The following ASTN2 variants were observed in gnomAD, a reference collection of about 807,000 sequenced individuals.
ASTN2 encodes astrotactin-2.
In ASTN2, 54 loss-of-function variants were observed where a neutral mutation model predicts 139.8. The ratio of observed to expected loss-of-function variants is 0.39; its 90% CI spans 0.31 to 0.48. The LOEUF (loss-of-function observed/expected upper bound fraction) is 0.48. Among genes scored for constraint, ASTN2 ranks in the 20% least tolerant of loss-of-function variants. The pLI, the probability that ASTN2 is intolerant of heterozygous loss-of-function variation, is 0.95. For synonymous variants in ASTN2, 756 were observed against 719.5 expected (o/e 1.05, Z -0.81); for missense variants, 1,565 against 1,725.1 (o/e 0.91, Z 1.64).
At chr9:116,582,051 A>T (rs1853972727) in intron 19 of ASTN2, 2 of 152,202 alleles carry the variant, frequency 1.3e-5, no homozygotes, top group South Asian at 4.1e-4. Context: ...GACCTTGAGG[A>T]ATGTGTAAGG....
intron 2 of ASTN2, among the ~76,000 whole-genome samples, chr9:117,221,422 T>A (rs1222160535): frequency 6.6e-6 from 1 of 152,194 alleles, no homozygotes; most frequent in Non-Finnish European, 1.5e-5. Context: ...AGGGATAATA[T>A]GAAAAATGCT....
chr9:116,509,083 T>G (rs1311932962), intron 19 of ASTN2, among the ~76,000 whole-genome samples: 1 of 152,190 alleles, frequency 6.6e-6, no homozygotes, highest in African/African-American at 2.4e-5. Context: ...TATGTATACA[T>G]GTGCCATGTT....
intron 11 of ASTN2, among the ~76,000 whole-genome samples, chr9:116,851,094 A>G (rs940610699): frequency 5.9e-5 from 9 of 152,184 alleles, no homozygotes; most frequent in Non-Finnish European, 1.2e-4. Context: ...TGGGTTGTCT[A>G]ATAACCAGTT....
intron 19 of ASTN2, among the ~76,000 whole-genome samples, chr9:116,488,341 G>A (rs1215473757): frequency 2.0e-5 from 3 of 152,104 alleles, no homozygotes; most frequent in South Asian, 2.1e-4. Context: ...AGAATTTGCT[G>A]TATAGTCTTG....
chr9:116,698,061 C>T lies in ASTN2; in HGVS notation c.2806+27710G>A, dbSNP rs886042410. On this transcript the variant is annotated intron_variant, in intron 16 of 22. Transcript: ENST00000313400. The surrounding 1 kb of genome is among the most constrained non-coding windows in gnomAD (Gnocchi z 4.4). ...CATGTGTCGGTCCTGTGGGCGGCGT[C>T]TGCCCCGGCAATTCTGCCGGAGCTG... is the stretch of plus-strand genomic sequence containing the variant. The T allele has an allele frequency of 6.2e-7, 1 of 1,614,080 alleles. No individual in the cohort carries two copies. The highest frequency in any genetic ancestry group is 8.5e-7 in the Non-Finnish European group (1 of 1,180,038).
chr9:116,761,565 G>C (rs1183198941), intron 13 of ASTN2, among the ~76,000 whole-genome samples: 1 of 152,142 alleles, frequency 6.6e-6, no homozygotes, highest in African/African-American at 2.4e-5. Context: ...TCCAGGTAGA[G>C]GGAACAGCAT....
intron 13 of ASTN2, among the ~76,000 whole-genome samples, chr9:116,760,044 C>T (rs147350501): frequency 3.3e-4 from 50 of 152,244 alleles, no homozygotes; most frequent in East Asian, 2.3e-3. Flanking sequence ...CCTGTAAATA[C>T]GGGAAGGGCT....
intron 2 of ASTN2, among the ~76,000 whole-genome samples, chr9:117,232,699 C>T (rs1588115144): frequency 6.6e-6 from 1 of 152,176 alleles, no homozygotes; most frequent in Non-Finnish European, 1.5e-5. Flanking sequence ...TGCCGATTAC[C>T]TGGGTCCAAA....
intron 3 of ASTN2, among the ~76,000 whole-genome samples, chr9:117,195,240 G>C (rs1831465751): frequency 6.6e-6 from 1 of 152,216 alleles, no homozygotes; most frequent in Non-Finnish European, 1.5e-5. Flanking sequence ...ACTGAGATCA[G>C]AATGATGAGA....
intron 10 of ASTN2, among the ~76,000 whole-genome samples, chr9:116,938,701 T>A (rs1165803213): frequency 1.3e-5 from 2 of 152,326 alleles, no homozygotes; most frequent in East Asian, 3.9e-4. Flanking sequence ...CAACACATTA[T>A]CTGGGCTTCA....
At chr9:117,188,244 T>A (rs1831258340) in intron 3 of ASTN2, among the ~76,000 whole-genome samples, 1 of 151,832 alleles carries the variant, frequency 6.6e-6, no homozygotes, top group Non-Finnish European at 1.5e-5. Context: ...TGAAAGTGAC[T>A]AGTTCAAGAC....
At chr9:116,654,027 T>C (rs533201933) in intron 16 of ASTN2, among the ~76,000 whole-genome samples, 1 of 152,344 alleles carries the variant, frequency 6.6e-6, no homozygotes, top group East Asian at 1.9e-4. Context: ...TGACGACTTT[T>C]TGTAGACCAG....
At chr9:116,755,369 T>TA (rs1829507115) in intron 13 of ASTN2, among the ~76,000 whole-genome samples, 1 of 152,140 alleles carries the variant, frequency 6.6e-6, no homozygotes, top group Admixed American at 6.5e-5. Flanking sequence ...GTAACTGAGT[T>TA]AAAATGAGGT....
At chr9:117,359,304 T>C (rs1402559506) in intron 1 of ASTN2, among the ~76,000 whole-genome samples, 4 of 152,130 alleles carry the variant, frequency 2.6e-5, no homozygotes, top group Non-Finnish European at 5.9e-5. Flanking sequence ...AAAAAGATTG[T>C]AGACATGACA....
intron 19 of ASTN2, among the ~76,000 whole-genome samples, chr9:116,609,949 T>C (rs949472473): frequency 6.6e-6 from 1 of 152,004 alleles, no homozygotes; most frequent in African/African-American, 2.4e-5. Flanking sequence ...CACTAAATTT[T>C]TTTAAAAAAG....
chr9:116,996,579 A>G (rs1837023191), intron 7 of ASTN2, among the ~76,000 whole-genome samples: 2 of 152,114 alleles, frequency 1.3e-5, no homozygotes, highest in South Asian at 2.1e-4. Context: ...TGAACCAACT[A>G]AAGAATACAG....
Position 116,929,889 on chromosome 9 carries a change from A to AG in ASTN2, c.1889+45318dup, listed in dbSNP as rs1288800601. ...TGATTGAATACTTCTCTGATAGGCC[A>AG]GCAAATGAGACTGTTGAGTTGTTAA... is the stretch of plus-strand genomic sequence containing the variant. On this transcript the variant is annotated intron_variant, in intron 10 of 22. Coordinates refer to ENST00000313400, the MANE Select transcript of ASTN2 (RefSeq NM_001365068.1). 7.9e-5 allele frequency among the ~76,000 whole-genome samples: 12 copies of AG among 152,360 alleles called. No homozygotes were observed. In the South Asian group the frequency reaches 2.5e-3, roughly 32 times the overall value.
intron 1 of ASTN2, among the ~76,000 whole-genome samples, chr9:117,382,547 CA>C: frequency 6.6e-6 from 1 of 152,292 alleles, no homozygotes; most frequent in African/African-American, 2.4e-5. Context: ...GAGTTAAATC[CA>C]GGCTTGATGC....
In ASTN2 at chr9:117,414,719, G is replaced by A; in HGVS notation, c.220C>T (p.Pro74Ser). Residue 74 changes from proline to serine, a missense_variant, in exon 1 of 23, where the codon CCC becomes TCC. Physicochemically the swap from Pro to Ser is moderately conservative, Grantham distance 74 (BLOSUM62 -1). Transcript: ENST00000313400. This position sits in a 1 kb window ranked among gnomAD's most constrained non-coding sequence, Gnocchi z 4.2. The stretch of plus-strand genomic sequence containing the variant: ...CCGATGTCGCTCTCCCGCAGGGCGG[G>A]CAGTGTGGACACCGTGACGGTCTTC... ...RLKTVTVSTLPALRESDIGWS... is the reference protein window; with the variant it reads ...RLKTVTVSTLSALRESDIGWS... 7.8e-7 allele frequency: 1 copy of A among 1,276,604 alleles called. No homozygotes were observed. The highest frequency in any genetic ancestry group is 9.9e-7 in the Non-Finnish European group (1 of 1,011,106). 79.1% of individuals were successfully genotyped at this position (1,276,604 alleles called of 1,614,324 possible).
Sources: gnomAD v4.1 joint callset for allele counts (sites outside exome capture counted in the v4.1 genomes callset) on GRCh38, gnomAD v4.1.1 for gene constraint, Gnocchi (gnomAD v3.1) non-coding constraint, MANE v1.5 for transcripts, NCBI Gene and HGNC (gene_info 2026-07-23, HGNC 2026-07-21) for gene names.